ADAMTS18: variants seen among roughly 807,000 people sequenced by gnomAD.
ADAMTS18 encodes the protein ADAM metallopeptidase with thrombospondin type 1 motif 18, also known as A disintegrin and metalloproteinase with thrombospondin motifs 18.
ADAMTS18 carries 157 observed loss-of-function variants against 165.9 expected under a neutral mutation model. The observed-to-expected ratio is 0.95, with a 90% CI of 0.83 to 1.08. The LOEUF is 1.08. Among genes scored for constraint, ADAMTS18 ranks in the 50% least tolerant of loss-of-function variants. ADAMTS18 has a pLI of 0.00. For missense variants in ADAMTS18, 2,040 were observed against 1,534.0 expected, an observed-to-expected ratio of 1.33 and a Z score of -5.51; for synonymous variants, 782 against 578.2, an observed-to-expected ratio of 1.35 and a Z score of -5.06.
chr16:77,434,380 C>A (rs868820684), intron 2 of ADAMTS18, 38 bp downstream of exon 2: 1 of 1,545,496 alleles, frequency 6.5e-7, no homozygotes, highest in Non-Finnish European at 8.7e-7. Flanking sequence ...CAAAGTGCTG[C>A]GAAAGGCCCT....
At position 77,344,331 on chromosome 16, in the gene ADAMTS18, G is replaced by C. The variant is rs1333078710; in HGVS notation, c.1615-2532C>G. On this transcript the variant is annotated intron_variant, in intron 10 of 22. Coordinates refer to ENST00000282849, the MANE Select transcript of ADAMTS18 (RefSeq NM_199355.4). ...TCCCAAATCTCAAAACAGCTCCTAAGCTAGAATATATACATATTCCCGTGA... is the reference window on the plus strand; with the variant it reads ...TCCCAAATCTCAAAACAGCTCCTAACCTAGAATATATACATATTCCCGTGA... Among the ~76,000 whole-genome samples, 5 of 151,996 alleles carry C rather than the reference G, an allele frequency of 3.3e-5. No individual in the cohort carries two copies. In the East Asian group the frequency reaches 5.8e-4, roughly 18 times the overall value.
chr16:77,325,864 AC>A lies in ADAMTS18; in HGVS notation c.2032+1del. 1 of 1,612,898 alleles carries A rather than the reference AC, an allele frequency of 6.2e-7. No individual in the cohort carries two copies. The highest frequency in any genetic ancestry group is 8.5e-7 in the Non-Finnish European group (1 of 1,179,140). ...ATTTGAATGTCATAGAGACCAAATT[AC>A]CTTCCACTTTTGTATAGGGTTTCCA... On this transcript the variant is annotated splice_donor_variant, in intron 13 of 22. Coordinates refer to ENST00000282849, the MANE Select transcript of ADAMTS18 (RefSeq NM_199355.4). LOFTEE classifies it high-confidence loss of function.
At chr16:77,420,796 G>A (rs2144847816) in intron 3 of ADAMTS18, among the ~76,000 whole-genome samples, 1 of 152,168 alleles carries the variant, frequency 6.6e-6, no homozygotes, top group Admixed American at 6.5e-5. Flanking sequence ...ATTAAGGCAG[G>A]GGGAAGAAAA....
chr16:77,324,245 C>T (rs763939652), intron 13 of ADAMTS18, among the ~76,000 whole-genome samples: 8 of 152,176 alleles, frequency 5.3e-5, no homozygotes, highest in Non-Finnish European at 1.0e-4. Flanking sequence ...CAAGAGTATA[C>T]AACCAACAGA....
chr16:77,364,806 G>T (rs1283482503), intron 4 of ADAMTS18, among the ~76,000 whole-genome samples: 1 of 151,742 alleles, frequency 6.6e-6, no homozygotes, highest in Non-Finnish European at 1.5e-5. Flanking sequence ...GGAAAGAAAA[G>T]AAGAGAAAAG....
At chr16:77,339,461 C>T (rs2056365170) in intron 11 of ADAMTS18, among the ~76,000 whole-genome samples, 1 of 152,016 alleles carries the variant, frequency 6.6e-6, no homozygotes, top group Non-Finnish European at 1.5e-5. Context: ...TACGTTTTAT[C>T]CCCCTTGGAA....
chr16:77,344,157 A>G lies in ADAMTS18; in HGVS notation c.1615-2358T>C, dbSNP rs377136587. On this transcript the variant is annotated intron_variant, in intron 10 of 22. Coordinates refer to ENST00000282849, the MANE Select transcript of ADAMTS18 (RefSeq NM_199355.4). ...TACATATATATGTATGTGTGTGTGT[A>G]TATATATATATATATATATACACAT... Among the ~76,000 whole-genome samples, 992 of 109,320 alleles carry G rather than the reference A, an allele frequency of 9.1e-3. 12 individuals carry two copies. Among genetic ancestry groups the G allele is most frequent in the African/African-American group, 0.026 (860 of 33,198 alleles). The allele number at this position is 109,320 out of a possible 152,430, so 71.7% of individuals were successfully genotyped here. A position where few individuals can be genotyped will look rare whatever the true frequency, so the allele number is the denominator to read the frequency against.
At chr16:77,416,226 G>A (rs1017845295) in intron 3 of ADAMTS18, among the ~76,000 whole-genome samples, 4 of 152,194 alleles carry the variant, frequency 2.6e-5, no homozygotes, top group African/African-American at 7.2e-5. Context: ...AGTCACTGAG[G>A]TAGGACATCT....
chr16:77,355,895 C>T (rs376617271), intron 9 of ADAMTS18, 45 bp downstream of exon 9: 16 of 1,612,824 alleles, frequency 9.9e-6, no homozygotes, highest in South Asian at 7.7e-5. Context: ...ACAATTCTGT[C>T]ATCACTCCAA....
intron 3 of ADAMTS18, among the ~76,000 whole-genome samples, chr16:77,405,035 G>T (rs1161518463): frequency 6.6e-6 from 1 of 152,192 alleles, no homozygotes; most frequent in African/African-American, 2.4e-5. Flanking sequence ...CTTAGCCACT[G>T]GTGAGGAAAA....
At chr16:77,379,901 G>A (rs949729344) in intron 3 of ADAMTS18, among the ~76,000 whole-genome samples, 9 of 152,134 alleles carry the variant, frequency 5.9e-5, no homozygotes, top group Admixed American at 2.6e-4. Flanking sequence ...TGTGGTTCAC[G>A]CAGCTGCATC....
intron 16 of ADAMTS18, among the ~76,000 whole-genome samples, chr16:77,305,104 TAAAC>T (rs1351895764): frequency 2.3e-5 from 2 of 88,830 alleles, no homozygotes; most frequent in Non-Finnish European, 4.4e-5. Context: ...AGTAAAAACT[TAAAC>T]AAATAAGTAC....
chr16:77,336,004 G>T, intron 11 of ADAMTS18, 100 bp from the exon 12 acceptor site: 2 of 1,438,892 alleles, frequency 1.4e-6, no homozygotes, highest in Non-Finnish European at 1.9e-6. Context: ...CAGGTCTGTT[G>T]GGAGAAAAGG....
chr16:77,295,462 A>C (rs573061155), intron 18 of ADAMTS18, among the ~76,000 whole-genome samples: 1 of 152,366 alleles, frequency 6.6e-6, no homozygotes, highest in Admixed American at 6.5e-5. Context: ...CATTAGGATT[A>C]GAAAAATTAA....
chr16:77,316,100 C>G (rs149623702), intron 16 of ADAMTS18, among the ~76,000 whole-genome samples: 14 of 152,302 alleles, frequency 9.2e-5, no homozygotes, highest in African/African-American at 3.4e-4. Context: ...CAGTTCTCTA[C>G]CATAATACAC....
At chr16:77,433,232 G>T (rs2057759762) in intron 2 of ADAMTS18, 1 of 152,172 alleles carries the variant, frequency 6.6e-6, no homozygotes, top group Non-Finnish European at 1.5e-5. Flanking sequence ...GGAAGTCTGT[G>T]TCTCACCTTC....
At position 77,320,108 on chromosome 16, in the gene ADAMTS18, G is replaced by C. The variant is rs745808140; in HGVS notation, c.2288-15C>G. On this transcript the variant is annotated splice_polypyrimidine_tract_variant and intron_variant, in intron 15 of 22. Transcript: ENST00000282849. ...CGGATAATATTCTAAATGGAAAGAAGAGAACATGTCTGAATTCCACCCCAT... is the reference window on the plus strand; with the variant it reads ...CGGATAATATTCTAAATGGAAAGAACAGAACATGTCTGAATTCCACCCCAT... 1.2e-5 allele frequency: 19 copies of C among 1,614,036 alleles called. No homozygotes were observed. Among genetic ancestry groups the C allele is most frequent in the South Asian group, 6.6e-5 (6 of 91,042 alleles).
chr16:77,425,951 C>A (rs2057666805), intron 3 of ADAMTS18, among the ~76,000 whole-genome samples: 1 of 152,012 alleles, frequency 6.6e-6, no homozygotes, highest in Non-Finnish European at 1.5e-5. Context: ...GAGGCTGAGG[C>A]AGGAGAATTG....
Position 77,297,390 on chromosome 16 carries a change from G to A in ADAMTS18, c.2700C>T (p.Cys900=), listed in dbSNP as rs1280190368. The A allele has an allele frequency of 6.2e-7, 1 of 1,613,308 alleles. No homozygotes were observed. The highest frequency in any genetic ancestry group is 1.7e-5 in the Admixed American group (1 of 60,016). The part of the protein sequence containing the change: ...GGGYINVKAI[C]LRDQNTQVNS... Reference sequence around the variant, plus strand: ...TGACTTGAGTATTTTGATCTCGCAAGCAAATGGCCTTTACATTTATGTAAC... The same window carrying A: ...TGACTTGAGTATTTTGATCTCGCAAACAAATGGCCTTTACATTTATGTAAC... Residue 900 remains cysteine, a synonymous_variant, in exon 18 of 23, where the codon TGC becomes TGT. Coordinates refer to ENST00000282849, the MANE Select transcript of ADAMTS18 (RefSeq NM_199355.4).
Sources: gnomAD v4.1 joint callset for allele counts (sites outside exome capture counted in the v4.1 genomes callset) on GRCh38, gnomAD v4.1.1 for gene constraint, MANE v1.5 for transcripts, NCBI Gene and HGNC (gene_info 2026-07-23, HGNC 2026-07-21) for gene names.